The following WWOX variants were observed in gnomAD, a reference collection of about 807,000 sequenced individuals.
The protein encoded by WWOX is WW domain-containing oxidoreductase.
Under a neutral mutation model 46.2 loss-of-function variants are expected in WWOX, and 69 were observed. The ratio of observed to expected loss-of-function variants is 1.49; its 90% CI spans 1.23 to 1.82. WWOX has a LOEUF of 1.82. Ranked by LOEUF, WWOX falls within the 40% of genes most tolerant of loss-of-function variation. WWOX has a pLI of 0.00. For missense variants in WWOX, 919 were observed against 542.6 expected (o/e 1.69, Z -6.89); for synonymous variants, 359 against 202.6 (o/e 1.77, Z -6.56).
intron 6 of WWOX, among the ~76,000 whole-genome samples, chr16:78,419,146 A>G (rs1200906472): frequency 6.6e-6 from 1 of 152,198 alleles, no homozygotes; most frequent in Non-Finnish European, 1.5e-5. Context: ...GTATTTCTAT[A>G]TACTAGCAAT....
At chr16:78,277,954 G>T (rs1462878976) in intron 5 of WWOX, among the ~76,000 whole-genome samples, 1 of 152,146 alleles carries the variant, frequency 6.6e-6, no homozygotes, top group African/African-American at 2.4e-5. Flanking sequence ...CCACCATGGG[G>T]TTAAAAAAAG....
intron 8 of WWOX, among the ~76,000 whole-genome samples, chr16:78,593,734 AAAAGAG>A: frequency 1.9e-5 from 1 of 53,120 alleles, no homozygotes; most frequent in Non-Finnish European, 4.0e-5. Context: ...GTTAAAAAAA[AAAAGAG>A]AGAGAGAGAG....
intron 5 of WWOX, among the ~76,000 whole-genome samples, chr16:78,332,803 A>G (rs1335146497): frequency 6.6e-6 from 1 of 152,124 alleles, no homozygotes; most frequent in Non-Finnish European, 1.5e-5. Context: ...TCCACAGGAA[A>G]TATTAGCCCC....
At chr16:79,211,532 C>A in intron 8 of WWOX, 76 bp from the exon 9 acceptor site, 1 of 1,589,048 alleles carries the variant, frequency 6.3e-7, no homozygotes, top group East Asian at 2.3e-5. Context: ...CTGCTAATGC[C>A]CAGGCAGTCG....
chr16:79,082,393 G>A (rs868125712), intron 8 of WWOX, among the ~76,000 whole-genome samples: 1 of 152,128 alleles, frequency 6.6e-6, no homozygotes, highest in African/African-American at 2.4e-5. Flanking sequence ...GATTTGTTAT[G>A]AGAGTTACAT....
At chr16:78,932,835 G>A (rs2151283371) in intron 8 of WWOX, among the ~76,000 whole-genome samples, 1 of 152,312 alleles carries the variant, frequency 6.6e-6, no homozygotes, top group East Asian at 1.9e-4. Flanking sequence ...TGAGGAGCAA[G>A]GAGGCATTTG....
chr16:78,605,885 A>T (rs925572199), intron 8 of WWOX, among the ~76,000 whole-genome samples: 1 of 152,190 alleles, frequency 6.6e-6, no homozygotes, highest in Admixed American at 6.5e-5. Flanking sequence ...CCCTATAATT[A>T]ATATGCAAGT....
intron 8 of WWOX, among the ~76,000 whole-genome samples, chr16:78,468,592 G>C (rs776637921): frequency 1.3e-5 from 2 of 152,120 alleles, no homozygotes; most frequent in African/African-American, 2.4e-5. Flanking sequence ...GCTAGGGTAA[G>C]TGGAAAAAGC....
chr16:78,762,717 C>T (rs1285219361), intron 8 of WWOX, among the ~76,000 whole-genome samples: 2 of 152,162 alleles, frequency 1.3e-5, no homozygotes, highest in African/African-American at 2.4e-5. Flanking sequence ...TCTGAATTTG[C>T]ACTGTCTGGT....
chr16:78,858,330 A>ATGTG (rs34753254), intron 8 of WWOX, among the ~76,000 whole-genome samples: 46,669 of 149,754 alleles, frequency 0.31, 7,367 homozygotes, highest in Middle Eastern at 0.45. Flanking sequence ...ATATATATAT[A>ATGTG]TGTGTGTGTG....
At chr16:79,111,826 T>C (rs2049422511) in intron 8 of WWOX, among the ~76,000 whole-genome samples, 1 of 152,156 alleles carries the variant, frequency 6.6e-6, no homozygotes, top group South Asian at 2.1e-4. Flanking sequence ...CAGATGTGTG[T>C]CCACTGGGCC....
intron 6 of WWOX, 106 bp from the exon 7 acceptor site, chr16:78,424,764 T>C: frequency 7.9e-7 from 1 of 1,259,892 alleles, no homozygotes; most frequent in Non-Finnish European, 1.2e-6. Context: ...TGGATTATCC[T>C]TGGTTGTAGT....
At chr16:78,993,847 C>T (rs1216135936) in intron 8 of WWOX, among the ~76,000 whole-genome samples, 2 of 152,208 alleles carry the variant, frequency 1.3e-5, no homozygotes, top group Admixed American at 1.3e-4. Flanking sequence ...CTGTTCTCCA[C>T]GGCGGAGCCC....
intron 8 of WWOX, among the ~76,000 whole-genome samples, chr16:78,495,535 G>A (rs1438680962): frequency 1.4e-5 from 2 of 146,308 alleles, no homozygotes; most frequent in Non-Finnish European, 3.0e-5. Context: ...TGGAGATGGA[G>A]TCTCACTTTG....
intron 5 of WWOX, among the ~76,000 whole-genome samples, chr16:78,250,031 C>T (rs1052509527): frequency 6.6e-6 from 1 of 152,200 alleles, no homozygotes; most frequent in Non-Finnish European, 1.5e-5. Context: ...TGTTCTTAAT[C>T]ATTACCTTCA....
chr16:79,142,249 G>T (rs1431392171), intron 8 of WWOX, among the ~76,000 whole-genome samples: 2 of 152,150 alleles, frequency 1.3e-5, no homozygotes, highest in African/African-American at 4.8e-5. Flanking sequence ...AAATACAGAA[G>T]ATAATTCCTG....
At chr16:78,863,092 G>T (rs1191403323) in intron 8 of WWOX, among the ~76,000 whole-genome samples, 1 of 151,630 alleles carries the variant, frequency 6.6e-6, no homozygotes, top group Non-Finnish European at 1.5e-5. Flanking sequence ...CCAAGTAGGT[G>T]GGATTACAGG....
At chr16:78,928,304 G>A (rs1035736055) in intron 8 of WWOX, among the ~76,000 whole-genome samples, 6 of 149,662 alleles carry the variant, frequency 4.0e-5, no homozygotes, top group Admixed American at 2.0e-4. Context: ...CCGGGTTCAC[G>A]CCATTCTCCT....
At chr16:78,703,881 T>C (rs144925188) in intron 8 of WWOX, among the ~76,000 whole-genome samples, 105 of 152,264 alleles carry the variant, frequency 6.9e-4, no homozygotes, top group Middle Eastern at 6.8e-3. Context: ...TCTGATCTTC[T>C]CAATCTCTCA....
Sources: allele counts gnomAD v4.1 joint callset (sites outside exome capture counted in the v4.1 genomes callset), GRCh38; gene constraint gnomAD v4.1.1; transcripts MANE v1.5; gene names NCBI Gene and HGNC (gene_info 2026-07-23, HGNC 2026-07-21).